FGF13: variants seen among roughly 807,000 people sequenced by gnomAD.
FGF13 encodes fibroblast growth factor homologous factor 2.
Under a neutral mutation model 19.5 loss-of-function variants are expected in FGF13, and 2 were observed. The ratio of observed to expected loss-of-function variants is 0.10; its 90% CI spans 0.04 to 0.32. FGF13 has a LOEUF of 0.32. Among genes scored for constraint, FGF13 ranks in the 10% least tolerant of loss-of-function variants. The pLI is 1.00. For synonymous variants in FGF13, 72 were observed against 76.9 expected (o/e 0.94, Z 0.33); for missense variants, 113 against 192.7 (o/e 0.59, Z 2.45).
At chrX:138,656,405 T>C (rs947477294) in intron 3 of FGF13, among the ~76,000 whole-genome samples, 1 of 111,809 alleles carries the variant, frequency 8.9e-6, no homozygotes, top group Non-Finnish European at 1.9e-5. Flanking sequence ...GCATAGCGTA[T>C]GTAAATCCCG....
chrX:138,723,122 T>C (rs1444365309), intron 1 of FGF13, among the ~76,000 whole-genome samples: 1 of 111,635 alleles, frequency 9.0e-6, no homozygotes, highest in Non-Finnish European at 1.9e-5. Context: ...CACACAGATA[T>C]GCAAATAATC....
intron 3 of FGF13, among the ~76,000 whole-genome samples, chrX:138,669,039 C>T (rs776562419): frequency 2.3e-4 from 25 of 110,108 alleles, no homozygotes; most frequent in Non-Finnish European, 3.8e-4. Context: ...TAAAAATAGG[C>T]GAGAAAATGA....
intron 1 of FGF13, among the ~76,000 whole-genome samples, chrX:139,080,406 T>C (rs2083362777): frequency 8.9e-6 from 1 of 112,014 alleles, no homozygotes; most frequent in Non-Finnish European, 1.9e-5. Context: ...TTATCTGTCA[T>C]GTTATAAAAT....
chrX:139,120,532 C>T (rs2083670037), intron 1 of FGF13, among the ~76,000 whole-genome samples: 1 of 111,993 alleles, frequency 8.9e-6, no homozygotes, highest in African/African-American at 3.2e-5. Context: ...TCTGGCTCCA[C>T]GGTCAGTGGT....
chrX:139,100,108 C>G (rs926231506), intron 1 of FGF13, among the ~76,000 whole-genome samples: 2 of 102,999 alleles, frequency 1.9e-5, no homozygotes, highest in Non-Finnish European at 4.0e-5. Flanking sequence ...GTTCAGTAAC[C>G]GCCAGGGAGG....
chrX:139,117,043 G>A (rs1378274122), intron 1 of FGF13, among the ~76,000 whole-genome samples: 1 of 111,331 alleles, frequency 9.0e-6, no homozygotes, highest in Non-Finnish European at 1.9e-5. Context: ...ACCATTAACT[G>A]AGAACTTAAG....
chrX:139,086,838 G>A, intron 1 of FGF13, among the ~76,000 whole-genome samples: 1 of 112,574 alleles, frequency 8.9e-6, no homozygotes, highest in East Asian at 2.8e-4. Flanking sequence ...TTTTTGTGTG[G>A]CCAACATGTA....
At chrX:139,082,747 T>C (rs2083379513) in intron 1 of FGF13, among the ~76,000 whole-genome samples, 1 of 112,017 alleles carries the variant, frequency 8.9e-6, no homozygotes, top group Non-Finnish European at 1.9e-5. Context: ...ATTTCCATTA[T>C]TTTAAGCCAT....
intron 3 of FGF13, among the ~76,000 whole-genome samples, chrX:138,794,399 C>A (rs774547273): frequency 9.0e-6 from 1 of 111,673 alleles, no homozygotes; most frequent in Non-Finnish European, 1.9e-5. Context: ...AAGGCATGCA[C>A]TTGAGTAGCT....
chrX:138,844,468 C>A (rs747385935), intron 3 of FGF13, among the ~76,000 whole-genome samples: 2 of 111,806 alleles, frequency 1.8e-5, no homozygotes, highest in Non-Finnish European at 3.8e-5. Flanking sequence ...TTAACTATTT[C>A]AGTGATTTAT....
intron 1 of FGF13, among the ~76,000 whole-genome samples, chrX:138,880,070 G>A (rs1224024582): frequency 8.9e-6 from 1 of 111,895 alleles, no homozygotes; most frequent in Non-Finnish European, 1.9e-5. Context: ...ACCAACAAAC[G>A]TATGAAAAAA....
At chrX:139,145,167 T>A (rs184862693) in intron 1 of FGF13, among the ~76,000 whole-genome samples, 1 of 111,539 alleles carries the variant, frequency 9.0e-6, no homozygotes, top group East Asian at 2.8e-4. Flanking sequence ...CTGAGGTACA[T>A]GAAGAAACTC....
At chrX:138,847,886 C>G (rs2091194521) in intron 3 of FGF13, among the ~76,000 whole-genome samples, 1 of 111,721 alleles carries the variant, frequency 9.0e-6, no homozygotes, top group Non-Finnish European at 1.9e-5. Context: ...GATACACAGG[C>G]TACAAGCTGC....
At chrX:138,862,414 A>G (rs774713688) in intron 2 of FGF13, among the ~76,000 whole-genome samples, 1 of 112,673 alleles carries the variant, frequency 8.9e-6, no homozygotes, top group African/African-American at 3.2e-5. Context: ...CTACCAATCA[A>G]AATTATTAGA....
intron 1 of FGF13, among the ~76,000 whole-genome samples, chrX:138,973,932 T>C (rs1480861460): frequency 9.0e-6 from 1 of 111,430 alleles, no homozygotes; most frequent in Non-Finnish European, 1.9e-5. Flanking sequence ...TGGGAGGCAA[T>C]TAGGATTAGA....
chrX:138,983,343 C>A (rs1020353536), intron 1 of FGF13, among the ~76,000 whole-genome samples: 3 of 103,248 alleles, frequency 2.9e-5, no homozygotes, highest in Non-Finnish European at 5.9e-5. Context: ...GTATTTCCAG[C>A]ACCATTCATA....
intron 1 of FGF13, among the ~76,000 whole-genome samples, chrX:138,893,602 G>A (rs1046308318): frequency 9.0e-6 from 1 of 110,562 alleles, no homozygotes; most frequent in Non-Finnish European, 1.9e-5. Flanking sequence ...CTTTTTGTCC[G>A]AGAATGATTT....
intron 1 of FGF13, among the ~76,000 whole-genome samples, chrX:139,047,758 A>G (rs2092292326): frequency 8.9e-6 from 1 of 111,977 alleles, no homozygotes; most frequent in African/African-American, 3.3e-5. Context: ...TTTATCATAT[A>G]TGTTAATTTA....
chrX:138,846,344 T>G (rs2091183203), intron 3 of FGF13, among the ~76,000 whole-genome samples: 1 of 110,822 alleles, frequency 9.0e-6, no homozygotes, highest in Non-Finnish European at 1.9e-5. Flanking sequence ...ATGGCAGGTC[T>G]CTGGTGGAGC....
Sources: gnomAD v4.1 joint callset for allele counts (sites outside exome capture counted in the v4.1 genomes callset) on GRCh38, gnomAD v4.1.1 for gene constraint, MANE v1.5 for transcripts, NCBI Gene and HGNC (gene_info 2026-07-23, HGNC 2026-07-21) for gene names.